Variants in FBXW7 observed in about 807,000 individuals in gnomAD.
FBXW7 encodes the protein F-box and WD repeat domain containing 7.
Under a neutral mutation model 86.3 loss-of-function variants are expected in FBXW7, and 11 were observed. That is an observed-to-expected ratio of 0.13 (90% CI 0.08 to 0.21). The LOEUF is 0.21. Ranked by LOEUF, FBXW7 falls within the 10% of genes least tolerant of loss-of-function variation. The pLI is 1.00. For synonymous variants in FBXW7, 313 were observed against 297.9 expected (o/e 1.05, Z -0.52); for missense variants, 488 against 847.4 (o/e 0.58, Z 5.27).
chr4:152,520,133 T>TA (rs1382188581), intron 2 of FBXW7, among the ~76,000 whole-genome samples: 2 of 151,922 alleles, frequency 1.3e-5, no homozygotes, highest in South Asian at 4.1e-4. Context: ...TAACTGGGGG[T>TA]AAAAAATCAA....
At chr4:152,520,937 T>C (rs1748955318) in intron 2 of FBXW7, among the ~76,000 whole-genome samples, 1 of 152,176 alleles carries the variant, frequency 6.6e-6, no homozygotes, top group Non-Finnish European at 1.5e-5. Context: ...TCAACAAATA[T>C]TTGCTGAACA....
chr4:152,531,858 A>G (rs1750049239), intron 2 of FBXW7, among the ~76,000 whole-genome samples: 1 of 151,894 alleles, frequency 6.6e-6, no homozygotes, highest in African/African-American at 2.4e-5. Flanking sequence ...CAAGGGACCT[A>G]TATACCCTAT....
chr4:152,408,160 A>C (rs1737596067), intron 4 of FBXW7, among the ~76,000 whole-genome samples: 1 of 152,228 alleles, frequency 6.6e-6, no homozygotes. Context: ...CCACTAAGAT[A>C]GATATGGAAG....
intron 2 of FBXW7, among the ~76,000 whole-genome samples, chr4:152,512,158 TC>T (rs1748041553): frequency 6.6e-6 from 1 of 152,176 alleles, no homozygotes; most frequent in Non-Finnish European, 1.5e-5. Context: ...TTTCTCAAAT[TC>T]TCCATACTAC....
chr4:152,378,719 T>C (rs1480825891), intron 4 of FBXW7, among the ~76,000 whole-genome samples: 2 of 152,184 alleles, frequency 1.3e-5, no homozygotes, highest in African/African-American at 2.4e-5. Context: ...ATACACTTAT[T>C]ATGCCGGGCA....
chr4:152,469,007 A>G (rs1464726874), intron 2 of FBXW7, among the ~76,000 whole-genome samples: 1 of 151,972 alleles, frequency 6.6e-6, no homozygotes, highest in Non-Finnish European at 1.5e-5. Flanking sequence ...ACAGAACAGT[A>G]TAACTGTTGA....
intron 4 of FBXW7, among the ~76,000 whole-genome samples, chr4:152,368,405 G>A (rs977450551): frequency 3.0e-4 from 46 of 152,060 alleles, no homozygotes; most frequent in South Asian, 6.2e-4. Flanking sequence ...CCGTGTGTGC[G>A]GATGCATGCA....
At chr4:152,526,847 C>G (rs1165715832) in intron 2 of FBXW7, among the ~76,000 whole-genome samples, 4 of 152,086 alleles carry the variant, frequency 2.6e-5, no homozygotes, top group Admixed American at 2.0e-4. Context: ...ATCAGTCTTT[C>G]TTTTCTATTA....
chr4:152,462,974 A>G (rs766722172), intron 2 of FBXW7, among the ~76,000 whole-genome samples: 4 of 133,142 alleles, frequency 3.0e-5, no homozygotes, highest in African/African-American at 1.2e-4. Flanking sequence ...CTTGTCTGGT[A>G]TATTACTTGT....
chr4:152,457,962 A>G (rs1437615281), intron 2 of FBXW7, among the ~76,000 whole-genome samples: 2 of 150,098 alleles, frequency 1.3e-5, no homozygotes, highest in African/African-American at 4.9e-5. Context: ...TTACTTCAGG[A>G]AATTCTTTTA....
chr4:152,461,682 T>C (rs1376906738), intron 2 of FBXW7, among the ~76,000 whole-genome samples: 2 of 152,236 alleles, frequency 1.3e-5, no homozygotes, highest in African/African-American at 4.8e-5. Context: ...TCCACTTTAT[T>C]TGCATATCTA....
At chr4:152,338,125 A>T (rs1204832367) in intron 6 of FBXW7, 189 bp from the exon 7 acceptor site, 2 of 396,534 alleles carry the variant, frequency 5.0e-6, no homozygotes, top group Non-Finnish European at 8.9e-6. Context: ...CTTACCAACA[A>T]CTTTTATTTC....
intron 4 of FBXW7, among the ~76,000 whole-genome samples, chr4:152,402,795 A>T (rs1203828263): frequency 1.3e-5 from 2 of 152,234 alleles, no homozygotes; most frequent in Non-Finnish European, 2.9e-5. Context: ...TGAATATGGC[A>T]GCAATCTTCT....
At chr4:152,394,616 A>G (rs577327755) in intron 4 of FBXW7, among the ~76,000 whole-genome samples, 1 of 152,240 alleles carries the variant, frequency 6.6e-6, no homozygotes, top group African/African-American at 2.4e-5. Flanking sequence ...TATTTCGCAT[A>G]GCATTCCTCC....
chr4:152,381,559 C>A (rs977554617), intron 4 of FBXW7, among the ~76,000 whole-genome samples: 2 of 151,892 alleles, frequency 1.3e-5, no homozygotes, highest in South Asian at 2.1e-4. Flanking sequence ...ACTTGTTGAC[C>A]AGGGAGAGGA....
At chr4:152,497,771 A>G (rs541418142) in intron 2 of FBXW7, among the ~76,000 whole-genome samples, 148 of 152,324 alleles carry the variant, frequency 9.7e-4, no homozygotes, top group African/African-American at 3.4e-3. Context: ...ACTTTCAGGT[A>G]TCTATCCTAG....
At chr4:152,394,516 T>G (rs534479111) in intron 4 of FBXW7, among the ~76,000 whole-genome samples, 8 of 152,194 alleles carry the variant, frequency 5.3e-5, no homozygotes, top group African/African-American at 1.4e-4. Context: ...ATCAAACAGC[T>G]GAACTATATG....
At chr4:152,330,610 A>G (rs1578888642) in intron 9 of FBXW7, 122 bp downstream of exon 9, 1 of 810,122 alleles carries the variant, frequency 1.2e-6, no homozygotes, top group East Asian at 3.0e-5. Context: ...AGTTATTTTA[A>G]AATATACGGT....
At chr4:152,403,765 AC>A (rs1246479764) in intron 4 of FBXW7, among the ~76,000 whole-genome samples, 2 of 152,046 alleles carry the variant, frequency 1.3e-5, no homozygotes, top group African/African-American at 2.4e-5. Flanking sequence ...TCACTCACCT[AC>A]CGCCCGCCTC....
Sources: gnomAD v4.1 joint callset for allele counts (sites outside exome capture counted in the v4.1 genomes callset) on GRCh38, gnomAD v4.1.1 for gene constraint, MANE v1.5 for transcripts, NCBI Gene and HGNC (gene_info 2026-07-23, HGNC 2026-07-21) for gene names.